ATP10B: variants seen among roughly 807,000 people sequenced by gnomAD.
The protein encoded by ATP10B is ATPase phospholipid transporting 10B (putative), also known as phospholipid-transporting ATPase VB.
In ATP10B, 122 loss-of-function variants were observed where a neutral mutation model predicts 141.2. The observed-to-expected ratio is 0.86, with a 90% CI of 0.75 to 1.00. ATP10B has a LOEUF of 1.00. Among genes scored for constraint, ATP10B ranks in the 50% least tolerant of loss-of-function variants. The pLI is 0.00. For missense variants in ATP10B, 1,876 were observed against 1,825.3 expected, an observed-to-expected ratio of 1.03 and a Z score of -0.51; for synonymous variants, 685 against 692.0, an observed-to-expected ratio of 0.99 and a Z score of 0.16.
At position 160,828,928 on chromosome 5, in the gene ATP10B, A is replaced by G. The variant is rs931384798; in HGVS notation, c.-576+23013T>C. ...TGTAGGGACATGGATGAAATTGGAA[A>G]TCATCATTCTCAGTAAACTAACGCA... On this transcript the variant is annotated intron_variant, in intron 1 of 25. Transcript: ENST00000327245. 1.3e-4 allele frequency among the ~76,000 whole-genome samples: 19 copies of G among 146,018 alleles called. 1 individual carries two copies. Among genetic ancestry groups the G allele is most frequent in the Non-Finnish European group, 2.6e-4 (17 of 65,994 alleles).
intron 10 of ATP10B, among the ~76,000 whole-genome samples, chr5:160,636,586 G>A (rs535656501): frequency 6.6e-6 from 1 of 152,296 alleles, no homozygotes; most frequent in East Asian, 1.9e-4. Flanking sequence ...TTTTGATTAA[G>A]TCTTGTTAAA....
At chr5:160,641,517 G>T (rs1759866098) in intron 9 of ATP10B, among the ~76,000 whole-genome samples, 2 of 152,210 alleles carry the variant, frequency 1.3e-5, no homozygotes, top group Non-Finnish European at 2.9e-5. Context: ...GAGGGCTAGA[G>T]GGTAAAAAGG....
intron 18 of ATP10B, among the ~76,000 whole-genome samples, chr5:160,610,013 A>G (rs1279855964): frequency 1.3e-5 from 2 of 152,194 alleles, no homozygotes; most frequent in Non-Finnish European, 2.9e-5. Flanking sequence ...TTCACTGAAC[A>G]TTTAGTATAC....
At chr5:160,616,466 A>G (rs1456037834) in intron 16 of ATP10B, among the ~76,000 whole-genome samples, 1 of 152,182 alleles carries the variant, frequency 6.6e-6, no homozygotes, top group Non-Finnish European at 1.5e-5. Context: ...ACGGCAATGA[A>G]CTTGGCCTTC....
chr5:160,596,694 G>T (rs555805722), intron 22 of ATP10B, among the ~76,000 whole-genome samples: 1 of 151,930 alleles, frequency 6.6e-6, no homozygotes, highest in Non-Finnish European at 1.5e-5. Flanking sequence ...CTTCAGCAAA[G>T]TCTCAGGATA....
chr5:160,609,434 A>G (rs1373506742), intron 18 of ATP10B, among the ~76,000 whole-genome samples: 1 of 151,152 alleles, frequency 6.6e-6, no homozygotes, highest in Non-Finnish European at 1.5e-5. Flanking sequence ...GCTGGAGTGC[A>G]GTGGCATAAT....
chr5:160,761,025 G>A (rs769730773), intron 2 of ATP10B, among the ~76,000 whole-genome samples: 11 of 152,082 alleles, frequency 7.2e-5, no homozygotes, highest in East Asian at 1.9e-4. Flanking sequence ...CCTGGCCAGC[G>A]TAGGGTAAGA....
rs774592448 is a variant in ATP10B, at chr5:160,598,747, C to T, written c.3564+23G>A. 4.3e-6 allele frequency: 7 copies of T among 1,612,698 alleles called. No individual in the cohort carries two copies. In the South Asian group the frequency reaches 5.5e-5, roughly 13 times the overall value. On this transcript the variant is annotated intron_variant, in intron 22 of 25. Coordinates refer to ENST00000327245, the MANE Select transcript of ATP10B (RefSeq NM_025153.3). ...TCAGTAAGAAGCTGAAGTCACCTCC[C>T]TTTGGCTGCCCGATCTCCTTACCTC... is the stretch of plus-strand genomic sequence containing the variant.
intron 2 of ATP10B, among the ~76,000 whole-genome samples, chr5:160,733,496 G>A (rs10072269): frequency 0.022 from 3,392 of 151,998 alleles, 139 homozygotes; most frequent in African/African-American, 0.078. Flanking sequence ...AATAGCCATA[G>A]GCACATAGAT....
intron 1 of ATP10B, among the ~76,000 whole-genome samples, chr5:160,847,522 G>A (rs888874080): frequency 1.3e-5 from 2 of 152,152 alleles, no homozygotes; most frequent in Non-Finnish European, 2.9e-5. Context: ...ACTCCATGTG[G>A]CACCTGCTAA....
intron 7 of ATP10B, among the ~76,000 whole-genome samples, chr5:160,658,844 A>G (rs1467014080): frequency 1.3e-5 from 2 of 152,216 alleles, no homozygotes; most frequent in African/African-American, 2.4e-5. Flanking sequence ...CTCATTCCAC[A>G]TGAACCTGAG....
the ATP10B span, among the ~76,000 whole-genome samples, chr5:160,889,199 C>G: frequency 6.6e-6 from 1 of 152,202 alleles, no homozygotes; most frequent in Non-Finnish European, 1.5e-5. Flanking sequence ...ACCTGCCAGC[C>G]AACCCCGCAG....
intron 2 of ATP10B, among the ~76,000 whole-genome samples, chr5:160,745,607 G>T (rs1188225886): frequency 2.0e-5 from 3 of 152,222 alleles, no homozygotes; most frequent in East Asian, 1.9e-4. Flanking sequence ...TGATAGAAAG[G>T]TCTCAGAAAA....
At chr5:160,871,089 A>C in the ATP10B span, among the ~76,000 whole-genome samples, 8 of 152,298 alleles carry the variant, frequency 5.3e-5, no homozygotes, top group South Asian at 1.7e-3. Context: ...GAGAGGAGGA[A>C]AATACAGGTC....
intron 3 of ATP10B, among the ~76,000 whole-genome samples, chr5:160,709,472 T>C (rs1765221092): frequency 6.6e-6 from 1 of 152,194 alleles, no homozygotes. Context: ...ATCAGGGACA[T>C]GTAAATTAAA....
At chr5:160,751,410 C>G (rs1274647363) in intron 2 of ATP10B, among the ~76,000 whole-genome samples, 4 of 152,180 alleles carry the variant, frequency 2.6e-5, no homozygotes, top group Non-Finnish European at 4.4e-5. Flanking sequence ...GTTTTTCCCT[C>G]AAGTCTTCCA....
the ATP10B span, among the ~76,000 whole-genome samples, chr5:160,899,083 T>G: frequency 1.3e-5 from 2 of 152,092 alleles, no homozygotes; most frequent in African/African-American, 4.8e-5. Flanking sequence ...CCATAGCACA[T>G]GTATACCTGT....
chr5:160,856,564 A>T (rs114651959), upstream of ATP10B, among the ~76,000 whole-genome samples: 933 of 151,920 alleles, frequency 6.1e-3, 15 homozygotes, highest in African/African-American at 0.022. Flanking sequence ...ATGAGAGTGA[A>T]CATCATTGTC....
chr5:160,600,126 T>A (rs945460255), intron 21 of ATP10B, among the ~76,000 whole-genome samples: 19 of 152,284 alleles, frequency 1.2e-4, no homozygotes, highest in African/African-American at 4.6e-4. Context: ...CACTATAGAT[T>A]GTCCTAACAA....
Sources: gnomAD v4.1 joint callset for allele counts (sites outside exome capture counted in the v4.1 genomes callset) on GRCh38, gnomAD v4.1.1 for gene constraint, MANE v1.5 for transcripts, NCBI Gene and HGNC (gene_info 2026-07-23, HGNC 2026-07-21) for gene names.